Variants in DYTN observed in about 807,000 individuals in gnomAD.
DYTN encodes dystrotelin.
In DYTN, 75 loss-of-function variants were observed where a neutral mutation model predicts 69.6. The observed-to-expected ratio is 1.08, with a 90% confidence interval of 0.89 to 1.31. DYTN has a LOEUF of 1.31. DYTN is among the 50% of genes most tolerant of loss of function. The probability of loss-of-function intolerance (pLI) is 0.00; values close to 1 mark genes in which losing one functional copy is unlikely to be tolerated. For synonymous variants in DYTN, 252 were observed against 249.1 expected, an observed-to-expected ratio of 1.01 and a Z score of -0.11; for missense variants, 726 against 688.4, an observed-to-expected ratio of 1.05 and a Z score of -0.61.
At chr2:206,667,043 T>C (rs1481325786) in intron 9 of DYTN, among the ~76,000 whole-genome samples, 1 of 152,084 alleles carries the variant, frequency 6.6e-6, no homozygotes, top group Non-Finnish European at 1.5e-5. Flanking sequence ...AGACCCTGTC[T>C]CTAAAAAAAT....
chr2:206,716,058 A>G (rs1700127163), intron 1 of DYTN, among the ~76,000 whole-genome samples: 1 of 152,222 alleles, frequency 6.6e-6, no homozygotes, highest in Admixed American at 6.5e-5. Context: ...ACTGCACTCC[A>G]GCCTGGTGGC....
chr2:206,685,856 C>G (rs1699799786), intron 9 of DYTN, among the ~76,000 whole-genome samples: 2 of 151,986 alleles, frequency 1.3e-5, no homozygotes, highest in African/African-American at 4.8e-5. Context: ...CTTGAGAGTT[C>G]AGAAACACTC....
intron 7 of DYTN, among the ~76,000 whole-genome samples, chr2:206,698,026 G>A (rs560821562): frequency 2.5e-4 from 38 of 152,160 alleles, no homozygotes; most frequent in African/African-American, 8.2e-4. Flanking sequence ...TCCTGTACTC[G>A]ACCTAGGGCA....
rs534880329 is a variant in DYTN, at chr2:206,663,487, T to C, written c.1141-92A>G. On this transcript the variant is annotated intron_variant, in intron 10 of 11. Coordinates refer to ENST00000452335, the MANE Select transcript of DYTN (RefSeq NM_001093730.1). ...ATTTCAACATTCCAACAGAACATTC[T>C]AATGCAAGACTTTTCTTTCTCCTCT... 1.9e-5 allele frequency: 26 copies of C among 1,348,882 alleles called. 1 individual carries two copies. The African/African-American group carries it at 3.8e-4, about 20-fold the overall frequency. 83.6% of individuals were successfully genotyped at this position (1,348,882 alleles called of 1,614,324 possible).
At chr2:206,712,524 G>T (rs56113725) in intron 1 of DYTN, among the ~76,000 whole-genome samples, 25,826 of 152,140 alleles carry the variant, frequency 0.17, 2,260 homozygotes, top group Non-Finnish European at 0.18. Flanking sequence ...AAAATCGAAA[G>T]TGGTTTTCAA....
chr2:206,706,022 ATT>A (rs1323427224), intron 3 of DYTN, 149 bp from the exon 4 acceptor site: 1 of 711,334 alleles, frequency 1.4e-6, no homozygotes, highest in Non-Finnish European at 2.4e-6. Context: ...TATACCTAGA[ATT>A]TAGCAGAACA....
rs1699529688 is a variant in DYTN at position 206,662,991 on chromosome 2, G to A, written c.1545C>T (p.Ile515=). The change falls in exon 11 of 12, where the codon ATC becomes ATT. Residue 515 remains isoleucine, a synonymous_variant. Coordinates refer to ENST00000452335, the MANE Select transcript of DYTN (RefSeq NM_001093730.1). ...AAVEKKEAGN[I]KERKDELEEE... ...CCTCCAGCTCATCCTTTCTCTCCTT[G>A]ATGTTACCTGCCTCTTTCTTTTCCA... 1 of 1,613,674 alleles carries A rather than the reference G, an allele frequency of 6.2e-7. No individual in the cohort carries two copies. The highest frequency in any genetic ancestry group is 1.3e-5 in the African/African-American group (1 of 74,836).
chr2:206,698,017 C>T (rs1395673945), intron 7 of DYTN, among the ~76,000 whole-genome samples: 1 of 152,150 alleles, frequency 6.6e-6, no homozygotes, highest in Non-Finnish European at 1.5e-5. Flanking sequence ...CAAAGTTAAT[C>T]CTGTACTCGA....
chr2:206,695,299 T>G (rs549367297), intron 7 of DYTN, among the ~76,000 whole-genome samples: 6 of 152,352 alleles, frequency 3.9e-5, no homozygotes, highest in Middle Eastern at 3.4e-3. Flanking sequence ...TAAAATCAAA[T>G]TTTGGCTTGT....
chr2:206,668,182 T>C (rs1452234521), intron 9 of DYTN, among the ~76,000 whole-genome samples: 1 of 152,212 alleles, frequency 6.6e-6, no homozygotes, highest in African/African-American at 2.4e-5. Flanking sequence ...ACCCAAAGTG[T>C]TGTGCTTGTT....
chr2:206,666,712 G>A lies in DYTN; in HGVS notation c.981-683C>T, dbSNP rs143962282. 7.3e-3 allele frequency among the ~76,000 whole-genome samples: 1,096 copies of A among 150,778 alleles called. 7 individuals are homozygous for A. The highest frequency in any genetic ancestry group is 9.5e-3 in the Non-Finnish European group (644 of 67,822). ...CATTGGTTTAAGAATGAACCAAGAA[G>A]TTGGGTGCACTCACTCATGGGTGTG... On this transcript the variant is annotated intron_variant, in intron 9 of 11. Transcript: ENST00000452335.
intron 11 of DYTN, among the ~76,000 whole-genome samples, chr2:206,659,300 T>A (rs1274532219): frequency 1.3e-5 from 2 of 149,568 alleles, no homozygotes; most frequent in African/African-American, 4.9e-5. Context: ...GGCTCCCGAG[T>A]AGCTGGGACT....
chr2:206,709,210 G>A (rs1700055570), intron 2 of DYTN, among the ~76,000 whole-genome samples: 2 of 152,092 alleles, frequency 1.3e-5, no homozygotes, highest in Non-Finnish European at 2.9e-5. Context: ...CACTTTGGGA[G>A]GCCACTGTGG....
intron 9 of DYTN, among the ~76,000 whole-genome samples, chr2:206,673,526 G>A (rs1324086168): frequency 6.6e-6 from 1 of 152,148 alleles, no homozygotes; most frequent in African/African-American, 2.4e-5. Context: ...AAAGTGTTGG[G>A]GTTACAGGCA....
intron 9 of DYTN, among the ~76,000 whole-genome samples, chr2:206,690,698 A>C (rs769439567): frequency 6.6e-6 from 1 of 152,204 alleles, no homozygotes; most frequent in African/African-American, 2.4e-5. Flanking sequence ...TTGGAGTTGC[A>C]AGAGGGAGTG....
chr2:206,675,145 GTATA>G lies in DYTN; in HGVS notation c.981-9120_981-9117del, dbSNP rs374365439. On this transcript the variant is annotated intron_variant, in intron 9 of 11. Transcript: ENST00000452335. ...TGTGTGTGTGTGTGTGTGTGTGTGT[GTATA>G]TATGTGTATATATATTTAAATATAT... Among the ~76,000 whole-genome samples, 109 of 120,420 alleles carry G rather than the reference GTATA, an allele frequency of 9.1e-4. 2 individuals are homozygous for G. The highest frequency in any genetic ancestry group is 3.3e-3 in the African/African-American group (99 of 29,700). 79.0% of individuals were successfully genotyped at this position (120,420 alleles called of 152,430 possible).
chr2:206,695,003 G>A (rs933358475), intron 7 of DYTN, 126 bp from the exon 8 acceptor site: 1 of 614,144 alleles, frequency 1.6e-6, no homozygotes. Flanking sequence ...CCAAATCAGT[G>A]TAAAGTTTCT....
rs1224940938 is a variant in DYTN, at chr2:206,693,180, C to T, written c.975G>A (p.Gln325=). The stretch of plus-strand genomic sequence containing the variant: ...CAATCCTCGCAGCCACTCACCTGGC[C>T]TGCGCATGGTGAGGCACACCCTTTG... ...VNPKGVPHHA[Q]ARLLKKQLNQ... is the part of the protein sequence containing the mutation. The change falls in exon 9 of 12, where the codon CAG becomes CAA. Residue 325 remains glutamine (Q), a synonymous_variant. Transcript: ENST00000452335. The T allele has an allele frequency of 1.2e-6, 2 of 1,609,504 alleles. No homozygotes were observed. Among genetic ancestry groups the T allele is most frequent in the Admixed American group, 1.7e-5 (1 of 59,644 alleles).
chr2:206,707,642 T>A, intron 2 of DYTN, 139 bp from the exon 3 acceptor site: 1 of 801,012 alleles, frequency 1.2e-6, no homozygotes, highest in Non-Finnish European at 2.0e-6. Flanking sequence ...GAAATATGAC[T>A]ACTATTTGGA....
Sources: allele counts gnomAD v4.1 joint callset (sites outside exome capture counted in the v4.1 genomes callset), GRCh38; gene constraint gnomAD v4.1.1; transcripts MANE v1.5; gene names NCBI Gene and HGNC (gene_info 2026-07-23, HGNC 2026-07-21).